The following FAXC variants were observed in gnomAD, a reference collection of about 807,000 sequenced individuals.
The protein encoded by FAXC is failed axon connections homolog.
In FAXC, 10 loss-of-function variants were observed where a neutral mutation model predicts 41.9. That is an observed-to-expected ratio of 0.24 (90% CI 0.15 to 0.41). FAXC has a LOEUF of 0.41. Among genes scored for constraint, FAXC ranks in the 10% least tolerant of loss-of-function variants. The pLI is 1.00. For synonymous variants in FAXC, 183 were observed against 183.8 expected, an observed-to-expected ratio of 1.00 and a Z score of 0.03; for missense variants, 399 against 510.9, an observed-to-expected ratio of 0.78 and a Z score of 2.11.
chr6:99,310,328 G>A (rs374641905), intron 4 of FAXC, among the ~76,000 whole-genome samples: 1 of 152,170 alleles, frequency 6.6e-6, no homozygotes, highest in African/African-American at 2.4e-5. Flanking sequence ...GCCCTCACGC[G>A]GCCCTTCCCT....
In FAXC at chr6:99,291,722, G is replaced by T. The variant is rs751465118; in HGVS notation, c.922C>A (p.Pro308Thr). 1.2e-6 allele frequency: 2 copies of T among 1,613,860 alleles called. No individual in the cohort carries two copies. Among genetic ancestry groups the T allele is most frequent in the South Asian group, 1.1e-5 (1 of 91,056 alleles). Residue 308 changes from proline to threonine, a missense_variant, in exon 5 of 6, where the codon CCC becomes ACC. Coordinates refer to ENST00000389677, the MANE Select transcript of FAXC (RefSeq NM_032511.4). Reference protein sequence around the residue: ...QAMWTLPGTRPERLIKGELIN... With the variant: ...QAMWTLPGTRTERLIKGELIN... Reference sequence around the variant, plus strand: ...GGCTTGCCTTTGATCAGCCGTTCGGGTCTTGTCCCTGGTAAGGTCCACATT... The same window carrying T: ...GGCTTGCCTTTGATCAGCCGTTCGGTTCTTGTCCCTGGTAAGGTCCACATT...
rs1211496242 is a variant in FAXC at position 99,272,903 on chromosome 6, C to T, written c.*8261G>A. 6.6e-6 allele frequency: 1 copy of T among 152,170 alleles called. No individual in the cohort carries two copies. The highest frequency in any genetic ancestry group is 1.5e-5 in the Non-Finnish European group (1 of 68,024). 9.4% of individuals were successfully genotyped at this position (152,170 alleles called of 1,614,324 possible). ...AAAGAGAAGTAAATTGGAAGAAAGA[C>T]ATTCACAGAAAACTATTTCATATCC... On this transcript the variant is annotated 3_prime_UTR_variant, in exon 6 of 6. Coordinates refer to ENST00000389677, the MANE Select transcript of FAXC (RefSeq NM_032511.4).
chr6:99,299,377 G>C (rs956235555), intron 4 of FAXC, among the ~76,000 whole-genome samples: 1 of 152,106 alleles, frequency 6.6e-6, no homozygotes, highest in African/African-American at 2.4e-5. Flanking sequence ...ATAAGTTCAA[G>C]GGAGAAACTA....
At position 99,349,358 on chromosome 6, in the gene FAXC, A is replaced by G; in HGVS notation, c.15T>C (p.Val5=). The part of the protein sequence containing the change: MHWG[V]GFASSRPCVV... ...CGCACGGCCTGGACGAAGCAAAGCC[A>G]ACCCCCCAGTGCATGCTGCGCGGCT... The change falls in exon 1 of 6, where the codon GTT becomes GTC. Residue 5 remains valine, a synonymous_variant. Transcript: ENST00000389677. 6.2e-7 allele frequency: 1 copy of G among 1,612,038 alleles called. No individual in the cohort carries two copies. The highest frequency in any genetic ancestry group is 2.2e-5 in the East Asian group (1 of 44,836).
intron 2 of FAXC, among the ~76,000 whole-genome samples, chr6:99,341,951 A>C: frequency 6.6e-6 from 1 of 152,262 alleles, no homozygotes; most frequent in East Asian, 1.9e-4. Flanking sequence ...GAACTTGGTT[A>C]AAAATAAAAA....
At chr6:99,316,214 TG>T (rs1308439165) in intron 4 of FAXC, among the ~76,000 whole-genome samples, 2 of 146,918 alleles carry the variant, frequency 1.4e-5, no homozygotes, top group Non-Finnish European at 3.0e-5. Flanking sequence ...CTCTGAGCTC[TG>T]GGAAGAAAGC....
chr6:99,323,339 G>T, intron 4 of FAXC, 105 bp downstream of exon 4: 1 of 1,038,094 alleles, frequency 9.6e-7, no homozygotes, highest in Non-Finnish European at 1.4e-6. Context: ...TGGAAGCAAA[G>T]AAATCAACCA....
At position 99,274,811 on chromosome 6, in the gene FAXC, A is replaced by G. The variant is rs890747442; in HGVS notation, c.*6353T>C. The G allele has an allele frequency of 3.3e-5, 5 of 152,252 alleles. No individual in the cohort carries two copies. Among genetic ancestry groups the G allele is most frequent in the African/African-American group, 1.2e-4 (5 of 41,474 alleles). 9.4% of individuals were successfully genotyped at this position (152,252 alleles called of 1,614,324 possible). On this transcript the variant is annotated 3_prime_UTR_variant, in exon 6 of 6. Coordinates refer to ENST00000389677, the MANE Select transcript of FAXC (RefSeq NM_032511.4). ...ATTTGGACATGGTTTATATTTTAATAAGCCAAATATAATCTCTTGTAGAAG... is the reference window on the plus strand; with the variant it reads ...ATTTGGACATGGTTTATATTTTAATGAGCCAAATATAATCTCTTGTAGAAG...
intron 4 of FAXC, among the ~76,000 whole-genome samples, chr6:99,299,100 C>T (rs1771605488): frequency 6.6e-6 from 1 of 152,144 alleles, no homozygotes; most frequent in African/African-American, 2.4e-5. Flanking sequence ...TTTATTCTAC[C>T]ACAGCACCCA....
rs781276860 is a variant in FAXC, at chr6:99,281,296, C to T, written c.1098G>A (p.Arg366=). 1.2e-6 allele frequency: 2 copies of T among 1,614,186 alleles called. No homozygotes were observed. Among genetic ancestry groups the T allele is most frequent in the Admixed American group, 3.3e-5 (2 of 60,020 alleles). The stretch of plus-strand genomic sequence containing the variant: ...CTCCCTCATCTTCAAAGGTCTCTGT[C>T]CTTGAGTAAAAGCTAAAATCCAGCA... ...TPLLDFSFYS[R]TETFEDEGAE... is the part of the protein sequence containing the mutation. The change falls in exon 6 of 6, where the codon AGG becomes AGA. Residue 366 remains arginine, a synonymous_variant. Transcript: ENST00000389677.
At chr6:99,293,665 A>AGTGTGTGTGTGTGT (rs55827992) in intron 4 of FAXC, among the ~76,000 whole-genome samples, 37 of 123,268 alleles carry the variant, frequency 3.0e-4, no homozygotes, top group African/African-American at 4.0e-4. Flanking sequence ...CTCTATACAC[A>AGTGTGTGTGTGTGT]GTGTGTGTGT....
At chr6:99,302,524 C>T (rs1395770147) in intron 4 of FAXC, among the ~76,000 whole-genome samples, 2 of 151,994 alleles carry the variant, frequency 1.3e-5, no homozygotes, top group Non-Finnish European at 2.9e-5. Context: ...GGCGTGGTGG[C>T]GCATGCCTGT....
At position 99,319,421 on chromosome 6, in the gene FAXC, A is replaced by G. The variant is rs929038008; in HGVS notation, c.823+4023T>C. ...CTCAAAAAAAAAAAAAAAAAAAAAA[A>G]AGCAAACCCTCCAACTGTCAGCTCT... On this transcript the variant is annotated intron_variant, in intron 4 of 5. Coordinates refer to ENST00000389677, the MANE Select transcript of FAXC (RefSeq NM_032511.4). Among the ~76,000 whole-genome samples the G allele has an allele frequency of 3.5e-4, 53 of 151,100 alleles. 1 individual carries two copies. Among genetic ancestry groups the G allele is most frequent in the African/African-American group, 1.2e-3 (49 of 41,112 alleles).
At chr6:99,292,869 T>G (rs1319460765) in intron 4 of FAXC, among the ~76,000 whole-genome samples, 1 of 152,074 alleles carries the variant, frequency 6.6e-6, no homozygotes, top group Non-Finnish European at 1.5e-5. Context: ...TGCAGTGGCA[T>G]TATCTCGGCT....
At chr6:99,310,806 G>A (rs1187507875) in intron 4 of FAXC, among the ~76,000 whole-genome samples, 2 of 152,188 alleles carry the variant, frequency 1.3e-5, no homozygotes, top group African/African-American at 4.8e-5. Flanking sequence ...TGGTTCTGAA[G>A]GCTTTTCCCA....
chr6:99,306,641 G>C (rs1289989721), intron 4 of FAXC, among the ~76,000 whole-genome samples: 1 of 152,172 alleles, frequency 6.6e-6, no homozygotes, highest in Non-Finnish European at 1.5e-5. Flanking sequence ...AAGCAGGGAT[G>C]AAGGATCAGA....
chr6:99,327,594 A>G (rs1029276036), intron 3 of FAXC, among the ~76,000 whole-genome samples: 1 of 151,798 alleles, frequency 6.6e-6, no homozygotes, highest in Admixed American at 6.6e-5. Context: ...CATTCCTCCT[A>G]TCTTCCTACT....
At chr6:99,319,803 AT>A (rs1359166306) in intron 4 of FAXC, among the ~76,000 whole-genome samples, 1 of 152,152 alleles carries the variant, frequency 6.6e-6, no homozygotes, top group Non-Finnish European at 1.5e-5. Flanking sequence ...ATATTTTTAA[AT>A]TATATTTTCC....
intron 4 of FAXC, among the ~76,000 whole-genome samples, chr6:99,305,696 T>G (rs1405772395): frequency 1.6e-5 from 2 of 128,466 alleles, no homozygotes; most frequent in Admixed American, 1.7e-4. Flanking sequence ...TATACATATA[T>G]GCATAATACA....
Sources: allele counts gnomAD v4.1 joint callset (sites outside exome capture counted in the v4.1 genomes callset), GRCh38; gene constraint gnomAD v4.1.1; transcripts MANE v1.5; gene names NCBI Gene and HGNC (gene_info 2026-07-23, HGNC 2026-07-21).